The following ADCY10 variants were observed in gnomAD, a reference collection of about 807,000 sequenced individuals.
ADCY10 encodes the protein adenylate cyclase 10.
ADCY10 carries 156 observed loss-of-function variants against 183.3 expected under a neutral mutation model. The ratio of observed to expected loss-of-function variants is 0.85; its 90% CI spans 0.75 to 0.97. ADCY10 has a LOEUF of 0.97. Ranked by LOEUF, ADCY10 falls within the 50% of genes least tolerant of loss-of-function variation. The pLI, the probability that ADCY10 is intolerant of heterozygous loss-of-function variation, is 0.00. For missense variants in ADCY10, 1,745 were observed against 1,934.3 expected, an observed-to-expected ratio of 0.90 and a Z score of 1.84; for synonymous variants, 645 against 670.0, an observed-to-expected ratio of 0.96 and a Z score of 0.58.
intron 14 of ADCY10, among the ~76,000 whole-genome samples, chr1:167,869,694 CCT>C (rs1666960296): frequency 6.6e-6 from 1 of 152,164 alleles, no homozygotes; most frequent in Non-Finnish European, 1.5e-5. Context: ...GCTCACAGCC[CCT>C]GTCACGTACC....
At chr1:167,852,367 G>T (rs203799) in intron 18 of ADCY10, among the ~76,000 whole-genome samples, 1 of 151,662 alleles carries the variant, frequency 6.6e-6, no homozygotes, top group Non-Finnish European at 1.5e-5. Context: ...CTGCTTGAGC[G>T]CAGGAGACGG....
intron 14 of ADCY10, among the ~76,000 whole-genome samples, chr1:167,864,185 C>T (rs1018813619): frequency 3.9e-5 from 6 of 152,128 alleles, no homozygotes; most frequent in Non-Finnish European, 8.8e-5. Context: ...TGTGCGTGCC[C>T]TTTTTACCCG....
intron 9 of ADCY10, among the ~76,000 whole-genome samples, chr1:167,881,984 G>A (rs947094212): frequency 4.6e-5 from 7 of 152,190 alleles, no homozygotes; most frequent in African/African-American, 1.7e-4. Context: ...CAATATATGT[G>A]TTACTCATCT....
intron 14 of ADCY10, among the ~76,000 whole-genome samples, chr1:167,869,437 G>C (rs203819): frequency 0.054 from 8,156 of 152,194 alleles, 654 homozygotes; most frequent in African/African-American, 0.18. Flanking sequence ...TGAGGGAAGA[G>C]AGAGACCCTC....
At chr1:167,831,436 C>T (rs932350661) in intron 25 of ADCY10, among the ~76,000 whole-genome samples, 1 of 152,152 alleles carries the variant, frequency 6.6e-6, no homozygotes, top group Admixed American at 6.6e-5. Flanking sequence ...TCAGGCAATC[C>T]GCCCCCCTCA....
intron 14 of ADCY10, among the ~76,000 whole-genome samples, chr1:167,863,483 G>A (rs996026953): frequency 3.3e-5 from 5 of 151,956 alleles, no homozygotes; most frequent in African/African-American, 7.3e-5. Context: ...ATTTTGAGAC[G>A]CTAGCCTGCC....
intron 8 of ADCY10, among the ~76,000 whole-genome samples, chr1:167,885,545 T>C (rs1209825345): frequency 6.6e-6 from 1 of 152,252 alleles, no homozygotes; most frequent in Non-Finnish European, 1.5e-5. Flanking sequence ...TGATTGGTGA[T>C]GTTGTGCACC....
chr1:167,909,007 T>C (rs1669981861), intron 1 of ADCY10, among the ~76,000 whole-genome samples: 1 of 152,242 alleles, frequency 6.6e-6, no homozygotes. Context: ...TACCCATTCA[T>C]AGCAAGAAGG....
At chr1:167,833,803 C>A (rs1663973843) in intron 24 of ADCY10, among the ~76,000 whole-genome samples, 167 bp downstream of exon 24, 1 of 151,008 alleles carries the variant, frequency 6.6e-6, no homozygotes, top group Non-Finnish European at 1.5e-5. Flanking sequence ...TGCTGGTAAG[C>A]CATGGTGAGG....
chr1:167,823,424 C>CAAAAAAA (rs34394385), intron 28 of ADCY10, among the ~76,000 whole-genome samples: 1 of 42,844 alleles, frequency 2.3e-5, no homozygotes, highest in Non-Finnish European at 4.8e-5. Context: ...AACTCCATCT[C>CAAAAAAA]AAAAAAAAAA....
chr1:167,860,546 A>T (rs1666215560), intron 15 of ADCY10, among the ~76,000 whole-genome samples: 1 of 152,210 alleles, frequency 6.6e-6, no homozygotes, highest in Non-Finnish European at 1.5e-5. Flanking sequence ...AATTCAGGAA[A>T]AGACAGGGCA....
intron 6 of ADCY10, among the ~76,000 whole-genome samples, chr1:167,897,616 TCGG>T (rs771820545): frequency 0.85 from 3,536 of 4,158 alleles, 1,457 homozygotes; most frequent in South Asian, 0.91. Flanking sequence ...TGTGACAACA[TCGG>T]CTGGCAACTC....
intron 1 of ADCY10, among the ~76,000 whole-genome samples, chr1:167,908,387 C>G (rs1431771206): frequency 6.6e-6 from 1 of 151,962 alleles, no homozygotes; most frequent in Non-Finnish European, 1.5e-5. Flanking sequence ...AATGGTGATG[C>G]CTGAGGCTGG....
chr1:167,853,243 A>G (rs777634289), intron 18 of ADCY10, among the ~76,000 whole-genome samples: 3 of 152,196 alleles, frequency 2.0e-5, no homozygotes, highest in Non-Finnish European at 2.9e-5. Flanking sequence ...TTGAGTCACA[A>G]AAAAATGAAG....
Position 167,899,492 on chromosome 1 carries a change from T to G in ADCY10, c.573A>C (p.Pro191=), listed in dbSNP as rs759893924. ...TCCGGTCACAGAGCTGCCAGCAGTT[T>G]GGTGACAGAATAACATCATTCATCT... ...MAQMNDVILS[P]NCWQLCDRSM... is the part of the protein sequence containing the mutation. Residue 191 remains proline, a synonymous_variant, in exon 6 of 33, where the codon CCA becomes CCC. Transcript: ENST00000367851. 25 of 1,614,090 alleles carry G rather than the reference T, an allele frequency of 1.5e-5. No homozygotes were observed. Among genetic ancestry groups the G allele is most frequent in the Non-Finnish European group, 2.1e-5 (25 of 1,180,054 alleles).
intron 24 of ADCY10, among the ~76,000 whole-genome samples, chr1:167,833,555 G>C (rs926884430): frequency 1.3e-5 from 2 of 152,158 alleles, no homozygotes; most frequent in Non-Finnish European, 2.9e-5. Flanking sequence ...AGACCAGCCT[G>C]GCCAACATGG....
Position 167,899,403 on chromosome 1 carries a change from A to C in ADCY10, c.642+20T>G, listed in dbSNP as rs1669232565. On this transcript the variant is annotated intron_variant, in intron 6 of 32. Transcript: ENST00000367851. ...TTACAGGCTGGCAGAACTTTCTGTA[A>C]GTAGCAGCATCACACCCACCTTAAC... 6.2e-7 allele frequency: 1 copy of C among 1,613,330 alleles called. No homozygotes were observed. Among genetic ancestry groups the C allele is most frequent in the Admixed American group, 1.7e-5 (1 of 60,026 alleles).
In ADCY10 at chr1:167,824,495, A is replaced by G. The variant is rs1558150379; in HGVS notation, c.4033T>C (p.Cys1345Arg). Residue 1345 changes from cysteine (C) to arginine (R), a missense_variant, in exon 28 of 33, where the codon TGT becomes CGT. Coordinates refer to ENST00000367851, the MANE Select transcript of ADCY10 (RefSeq NM_018417.6). ...AAATACCTGCTGTTCAGAAGGAGAC[A>G]TCTGCTAAGTCTGCAGAGGGACTGA... ...HYQSLCRLSRCLLLNSRYPQL... is the reference protein window; with the variant it reads ...HYQSLCRLSRRLLLNSRYPQL... 1 of 1,614,108 alleles carries G rather than the reference A, an allele frequency of 6.2e-7. No homozygotes were observed. The highest frequency in any genetic ancestry group is 1.7e-5 in the Admixed American group (1 of 60,026).
intron 14 of ADCY10, among the ~76,000 whole-genome samples, chr1:167,868,015 C>T (rs1040324711): frequency 1.3e-5 from 2 of 152,086 alleles, no homozygotes; most frequent in African/African-American, 2.4e-5. Context: ...AAGAAGTACA[C>T]GTATCTCTGG....
Sources: gnomAD v4.1 joint callset for allele counts (sites outside exome capture counted in the v4.1 genomes callset) on GRCh38, gnomAD v4.1.1 for gene constraint, MANE v1.5 for transcripts, NCBI Gene and HGNC (gene_info 2026-07-23, HGNC 2026-07-21) for gene names.